FAM210A: variants seen among roughly 807,000 people sequenced by gnomAD.
The protein encoded by FAM210A is family with sequence similarity 210 member A.
Under a neutral mutation model 25.3 loss-of-function variants are expected in FAM210A, and 13 were observed. The observed-to-expected ratio is 0.51, with a 90% CI of 0.33 to 0.82. The LOEUF is 0.82. Ranked by LOEUF, FAM210A falls within the 40% of genes least tolerant of loss-of-function variation. FAM210A has a pLI of 0.02. For missense variants in FAM210A, 319 were observed against 323.2 expected (o/e 0.99, Z 0.10); for synonymous variants, 125 against 118.7 (o/e 1.05, Z -0.35).
intron 1 of FAM210A, among the ~76,000 whole-genome samples, chr18:13,706,121 T>C (rs1223472766): frequency 6.6e-6 from 1 of 152,196 alleles, no homozygotes; most frequent in Non-Finnish European, 1.5e-5. Context: ...CCTTGTATTT[T>C]GGCTTCATAA....
At chr18:13,685,449 C>T (rs1253183160) in intron 1 of FAM210A, among the ~76,000 whole-genome samples, 1 of 152,196 alleles carries the variant, frequency 6.6e-6, no homozygotes, top group Non-Finnish European at 1.5e-5. Flanking sequence ...CATCTATTGT[C>T]TCTAAGGACG....
At chr18:13,667,381 G>A (rs1205248378) in intron 3 of FAM210A, among the ~76,000 whole-genome samples, 1 of 152,158 alleles carries the variant, frequency 6.6e-6, no homozygotes, top group African/African-American at 2.4e-5. Context: ...ATGGATGACT[G>A]GTCAAAGAGA....
At chr18:13,699,846 A>G (rs1443979696) in intron 1 of FAM210A, among the ~76,000 whole-genome samples, 1 of 152,164 alleles carries the variant, frequency 6.6e-6, no homozygotes, top group African/African-American at 2.4e-5. Context: ...CTCATCTATG[A>G]CCTGGTCAAA....
At position 13,666,319 on chromosome 18, in the gene FAM210A, T is replaced by C; in HGVS notation, c.*161A>G. 1.6e-6 allele frequency: 1 copy of C among 618,478 alleles called. No individual in the cohort carries two copies. Among genetic ancestry groups the C allele is most frequent in the Non-Finnish European group, 2.8e-6 (1 of 354,018 alleles). The allele number at this position is 618,478 out of a possible 1,614,324, so 38.3% of individuals were successfully genotyped here. A position where few individuals can be genotyped will look rare whatever the true frequency, so the allele number is the denominator to read the frequency against. On this transcript the variant is annotated 3_prime_UTR_variant, in exon 4 of 4. Transcript: ENST00000651643. ...TCCCTTGTAATAACACTGATTTTTC[T>C]AGTGATATTTAACTTTAAAAAGGTA...
chr18:13,680,238 T>C (rs899151780), intron 2 of FAM210A, among the ~76,000 whole-genome samples: 3 of 152,190 alleles, frequency 2.0e-5, no homozygotes, highest in African/African-American at 7.2e-5. Context: ...AATGGTAACT[T>C]TATTTTCTGT....
At chr18:13,699,972 A>G (rs1293070486) in intron 1 of FAM210A, among the ~76,000 whole-genome samples, 1 of 152,184 alleles carries the variant, frequency 6.6e-6, no homozygotes, top group Non-Finnish European at 1.5e-5. Flanking sequence ...CTCACACTCA[A>G]TGTAGAATAC....
intron 1 of FAM210A, among the ~76,000 whole-genome samples, chr18:13,691,024 T>C (rs2043639510): frequency 6.6e-6 from 1 of 152,036 alleles, no homozygotes; most frequent in African/African-American, 2.4e-5. Context: ...ATTAGACAAA[T>C]GGCTAACTAG....
chr18:13,680,061 A>G (rs1160647503), intron 2 of FAM210A, among the ~76,000 whole-genome samples: 3 of 152,244 alleles, frequency 2.0e-5, no homozygotes, highest in Non-Finnish European at 4.4e-5. Flanking sequence ...TTGCCTTATC[A>G]TACATGGGCA....
At chr18:13,705,997 A>C (rs1296298753) in intron 1 of FAM210A, among the ~76,000 whole-genome samples, 4 of 152,198 alleles carry the variant, frequency 2.6e-5, no homozygotes, top group African/African-American at 9.7e-5. Flanking sequence ...GTGTATTTTT[A>C]TGGTTCACTG....
intron 3 of FAM210A, among the ~76,000 whole-genome samples, chr18:13,670,553 G>A (rs528542714): frequency 0.013 from 1,950 of 152,234 alleles, 43 homozygotes; most frequent in African/African-American, 0.044. Flanking sequence ...TCTAGTTTCT[G>A]TGTTTTCAAC....
chr18:13,680,535 A>G (rs886243645), intron 2 of FAM210A, among the ~76,000 whole-genome samples: 1 of 152,228 alleles, frequency 6.6e-6, no homozygotes, highest in Admixed American at 6.5e-5. Flanking sequence ...TGTTCCCAAA[A>G]ATAGGTAGTT....
chr18:13,693,059 A>T (rs2043661814), intron 1 of FAM210A, among the ~76,000 whole-genome samples: 1 of 152,226 alleles, frequency 6.6e-6, no homozygotes, highest in African/African-American at 2.4e-5. Context: ...AAAATGATAA[A>T]GGGGATATCA....
chr18:13,713,944 A>C (rs908825525), intron 1 of FAM210A, among the ~76,000 whole-genome samples: 1 of 152,194 alleles, frequency 6.6e-6, no homozygotes, highest in Non-Finnish European at 1.5e-5. Context: ...CCGGAAATTT[A>C]ACTCTTAGTT....
chr18:13,681,618 A>G lies in FAM210A; in HGVS notation c.460T>C (p.Tyr154His). 6.2e-7 allele frequency: 1 copy of G among 1,601,996 alleles called. No homozygotes were observed. Among genetic ancestry groups the G allele is most frequent in the Non-Finnish European group, 8.5e-7 (1 of 1,175,034 alleles). The change falls in exon 2 of 4, where the codon TAT (tyrosine) becomes CAT (histidine). Residue 154 changes from tyrosine to histidine, a missense_variant. Coordinates refer to ENST00000651643, the MANE Select transcript of FAM210A (RefSeq NM_152352.4). ...GCAAAAACTTACTTCAAGGCTGCATAATAAAATGTTCCAAACCAAACACCA... is the reference window on the plus strand; with the variant it reads ...GCAAAAACTTACTTCAAGGCTGCATGATAAAATGTTCCAAACCAAACACCA... Reference protein sequence around the residue: ...TSGVWFGTFYYAALKGVNVVP... With the variant: ...TSGVWFGTFYHAALKGVNVVP...
chr18:13,707,311 C>G (rs1014036875), intron 1 of FAM210A, among the ~76,000 whole-genome samples: 3 of 152,208 alleles, frequency 2.0e-5, no homozygotes, highest in African/African-American at 7.2e-5. Context: ...TAGGCCCCAA[C>G]AGACCAAACC....
chr18:13,666,725 A>C lies in FAM210A; in HGVS notation c.586-12T>G. 6.2e-7 allele frequency: 1 copy of C among 1,603,644 alleles called. No individual in the cohort carries two copies. The highest frequency in any genetic ancestry group is 1.3e-5 in the African/African-American group (1 of 74,862). On this transcript the variant is annotated splice_polypyrimidine_tract_variant and intron_variant, in intron 3 of 3. Transcript: ENST00000651643. ...GCAGGTGTTGCAATCTTAAGCAAAA[A>C]GCAAACAGAGGCAAATCAAAACCTG... is the stretch of plus-strand genomic sequence containing the variant.
chr18:13,715,709 G>A (rs2043856652), intron 1 of FAM210A, among the ~76,000 whole-genome samples: 1 of 152,084 alleles, frequency 6.6e-6, no homozygotes, highest in African/African-American at 2.4e-5. Context: ...CTTTCTTAAT[G>A]GAAAAAAGTA....
In FAM210A at chr18:13,663,868, G is replaced by C. The variant is rs1273143554; in HGVS notation, c.*2612C>G. 1 of 152,168 alleles carries C rather than the reference G, an allele frequency of 6.6e-6. No individual in the cohort carries two copies. Among genetic ancestry groups the C allele is most frequent in the Non-Finnish European group, 1.5e-5 (1 of 68,036 alleles). The allele number at this position is 152,168 out of a possible 1,614,324, so 9.4% of individuals were successfully genotyped here. ...ATGTAGACATGTAAGACACAGGGCTGCTTCTGCCGAGCACTCGCAGTTCAC... is the reference window on the plus strand; with the variant it reads ...ATGTAGACATGTAAGACACAGGGCTCCTTCTGCCGAGCACTCGCAGTTCAC... On this transcript the variant is annotated 3_prime_UTR_variant, in exon 4 of 4. Coordinates refer to ENST00000651643, the MANE Select transcript of FAM210A (RefSeq NM_152352.4).
At chr18:13,701,740 A>G (rs1322246878) in intron 1 of FAM210A, among the ~76,000 whole-genome samples, 1 of 152,224 alleles carries the variant, frequency 6.6e-6, no homozygotes, top group Non-Finnish European at 1.5e-5. Context: ...AAGTGCATTT[A>G]AAAATGAGGT....
Sources: gnomAD v4.1 joint callset for allele counts (sites outside exome capture counted in the v4.1 genomes callset) on GRCh38, gnomAD v4.1.1 for gene constraint, MANE v1.5 for transcripts, NCBI Gene and HGNC (gene_info 2026-07-23, HGNC 2026-07-21) for gene names.